LAMC1: variants seen among roughly 807,000 people sequenced by gnomAD.
The protein encoded by LAMC1 is laminin subunit gamma 1.
In LAMC1, 38 loss-of-function variants were observed where a neutral mutation model predicts 173.6. That is an observed-to-expected ratio of 0.22 (90% CI 0.17 to 0.29). The LOEUF (loss-of-function observed/expected upper bound fraction) is 0.29. Among genes scored for constraint, LAMC1 ranks in the 10% least tolerant of loss-of-function variants. LAMC1 has a pLI of 1.00. For missense variants in LAMC1, 1,824 were observed against 2,051.8 expected (o/e 0.89, Z 2.14); for synonymous variants, 746 against 749.1 (o/e 1.00, Z 0.07).
intron 2 of LAMC1, among the ~76,000 whole-genome samples, chr1:183,106,861 T>A (rs1655990434): frequency 6.6e-6 from 1 of 152,140 alleles, no homozygotes. Context: ...TGAGTCCCTG[T>A]GCACAAGTAC....
chr1:183,057,519 G>A (rs1049626681), intron 1 of LAMC1, among the ~76,000 whole-genome samples: 2 of 152,172 alleles, frequency 1.3e-5, no homozygotes, highest in East Asian at 3.9e-4. Context: ...TCCGCATTTT[G>A]GGAGCCCGAG....
At chr1:183,082,817 G>A (rs753890858) in intron 1 of LAMC1, among the ~76,000 whole-genome samples, 1 of 152,204 alleles carries the variant, frequency 6.6e-6, no homozygotes, top group Non-Finnish European at 1.5e-5. Flanking sequence ...AGTGCTGGGA[G>A]TCAAAGTTAG....
intron 1 of LAMC1, among the ~76,000 whole-genome samples, chr1:183,044,681 C>G (rs907089501): frequency 2.6e-5 from 4 of 152,072 alleles, no homozygotes; most frequent in Non-Finnish European, 4.4e-5. Flanking sequence ...TAAGACATCC[C>G]CCTTTTGTGG....
intron 1 of LAMC1, among the ~76,000 whole-genome samples, chr1:183,082,050 A>G (rs956002159): frequency 6.6e-6 from 1 of 152,122 alleles, no homozygotes; most frequent in East Asian, 1.9e-4. Context: ...TTTCCTCTGT[A>G]TCTTTTTGTA....
chr1:183,024,619 G>A (rs1226152611), intron 1 of LAMC1, among the ~76,000 whole-genome samples: 5 of 152,178 alleles, frequency 3.3e-5, no homozygotes. Flanking sequence ...GAATTTGAGG[G>A]GAGCAAATGC....
intron 1 of LAMC1, among the ~76,000 whole-genome samples, chr1:183,064,587 G>T (rs1571417356): frequency 6.6e-6 from 1 of 152,154 alleles, no homozygotes; most frequent in Admixed American, 6.5e-5. Context: ...GAATCAATGA[G>T]TAACAGTGGC....
intron 1 of LAMC1, among the ~76,000 whole-genome samples, chr1:183,061,178 A>T (rs762413544): frequency 6.6e-6 from 1 of 152,204 alleles, no homozygotes; most frequent in Non-Finnish European, 1.5e-5. Flanking sequence ...GTTCACTTTT[A>T]GATATCTCAC....
chr1:183,024,433 T>C (rs1449071351), intron 1 of LAMC1, among the ~76,000 whole-genome samples: 1 of 152,068 alleles, frequency 6.6e-6, no homozygotes, highest in African/African-American at 2.4e-5. Context: ...GATTTCCCCC[T>C]TTTTTTTCTG....
At chr1:183,108,827 C>T (rs1335106615) in intron 3 of LAMC1, among the ~76,000 whole-genome samples, 2 of 152,126 alleles carry the variant, frequency 1.3e-5, no homozygotes, top group African/African-American at 2.4e-5. Context: ...TTGTAATCAC[C>T]TGTTTTTAAA....
chr1:183,080,684 A>T (rs1655249618), intron 1 of LAMC1, among the ~76,000 whole-genome samples: 1 of 151,922 alleles, frequency 6.6e-6, no homozygotes, highest in Non-Finnish European at 1.5e-5. Context: ...GTTAAATCTC[A>T]ACCATTATAG....
intron 1 of LAMC1, among the ~76,000 whole-genome samples, chr1:183,039,496 A>G (rs900149911): frequency 2.0e-5 from 3 of 152,212 alleles, no homozygotes; most frequent in Non-Finnish European, 4.4e-5. Context: ...AATTATGAGC[A>G]TTTGTGGGAA....
At chr1:183,137,916 T>A in intron 26 of LAMC1, 89 bp downstream of exon 26, 1 of 1,134,652 alleles carries the variant, frequency 8.8e-7, no homozygotes. Context: ...GAGTCTTTTT[T>A]ATATTGACTT....
chr1:183,072,484 G>A (rs1655034045), intron 1 of LAMC1, among the ~76,000 whole-genome samples: 1 of 152,176 alleles, frequency 6.6e-6, no homozygotes, highest in African/African-American at 2.4e-5. Flanking sequence ...CTTCTAGAAC[G>A]AATGCCTCAA....
intron 1 of LAMC1, among the ~76,000 whole-genome samples, chr1:183,093,490 T>TA (rs1655616208): frequency 6.6e-6 from 1 of 152,220 alleles, no homozygotes; most frequent in South Asian, 2.1e-4. Flanking sequence ...CCCCCATTGC[T>TA]AAAAGTTGGT....
intron 21 of LAMC1, 47 bp downstream of exon 21, chr1:183,132,584 A>G (rs369981030): frequency 6.9e-7 from 1 of 1,458,380 alleles, no homozygotes; most frequent in African/African-American, 1.4e-5. Context: ...GTGTTCTGGT[A>G]AGTAACACTA....
chr1:183,119,853 A>G (rs10797849), intron 11 of LAMC1, among the ~76,000 whole-genome samples: 83,103 of 152,022 alleles, frequency 0.55, 22,968 homozygotes, highest in South Asian at 0.65. Context: ...TTCCTTAATC[A>G]CTGCTGAGTT....
In LAMC1 at chr1:183,117,309, T is replaced by G; in HGVS notation, c.1565-11T>G. 1 of 1,598,830 alleles carries G rather than the reference T, an allele frequency of 6.3e-7. No individual in the cohort carries two copies. Among genetic ancestry groups the G allele is most frequent in the Admixed American group, 1.7e-5 (1 of 59,606 alleles). On this transcript the variant is annotated splice_polypyrimidine_tract_variant and intron_variant, in intron 8 of 27. Coordinates refer to ENST00000258341, the MANE Select transcript of LAMC1 (RefSeq NM_002293.4). ...GTGTAAAGTGCTTGTGTTTTCCTTC[T>G]CTACCTGCAGATGAGGATGGGTGGC...
chr1:183,121,937 T>A lies in LAMC1; in HGVS notation c.2205T>A (p.Pro735=). 6.2e-7 allele frequency: 1 copy of A among 1,613,704 alleles called. No homozygotes were observed. The highest frequency in any genetic ancestry group is 8.5e-7 in the Non-Finnish European group (1 of 1,179,584). The stretch of plus-strand genomic sequence containing the variant: ...ATGGACACAGCGAGACCTGTGATCC[T>A]GAGACAGGTGAGATGATCTTTGGCA... ...ACNGHSETCD[P]ETGVCNCRDN... The change falls in exon 12 of 28, where the codon CCT becomes CCA. Residue 735 remains proline (P), a synonymous_variant. Coordinates refer to ENST00000258341, the MANE Select transcript of LAMC1 (RefSeq NM_002293.4).
intron 4 of LAMC1, among the ~76,000 whole-genome samples, chr1:183,111,296 A>G (rs1656144150): frequency 6.6e-6 from 1 of 152,122 alleles, no homozygotes; most frequent in South Asian, 2.1e-4. Flanking sequence ...CATGTTGGCC[A>G]GGCTGGTCTC....
Sources: allele counts gnomAD v4.1 joint callset (sites outside exome capture counted in the v4.1 genomes callset), GRCh38; gene constraint gnomAD v4.1.1; transcripts MANE v1.5; gene names NCBI Gene and HGNC (gene_info 2026-07-23, HGNC 2026-07-21).